KCNN2: variants seen among roughly 807,000 people sequenced by gnomAD.
KCNN2 encodes the protein small conductance calcium-activated potassium channel protein 2.
A neutral mutation model predicts 55.5 loss-of-function variants in KCNN2; 24 were observed. That is an observed-to-expected ratio of 0.43 (90% CI 0.31 to 0.61). The LOEUF is 0.61. Ranked by LOEUF, KCNN2 falls within the 20% of genes least tolerant of loss-of-function variation. The pLI is 0.08. For synonymous variants in KCNN2, 431 were observed against 336.1 expected (o/e 1.28, Z -3.09); for missense variants, 754 against 853.6 (o/e 0.88, Z 1.45).
chr5:114,345,724 G>C (rs1279891616), intron 2 of KCNN2, among the ~76,000 whole-genome samples: 1 of 152,164 alleles, frequency 6.6e-6, no homozygotes, highest in Non-Finnish European at 1.5e-5. Context: ...AGTTCTGCAG[G>C]CTATACAAGC....
Position 114,276,587 on chromosome 5 carries a change from C to A in KCNN2, c.-185+55022C>A, listed in dbSNP as rs552113232. ...TGATCCCTTTACCATTATGTAATGA[C>A]CCTCTTTGTCTCTTTCGATCTTTGT... On this transcript the variant is annotated intron_variant, in intron 2 of 10. Transcript: ENST00000512097. 6.3e-4 allele frequency among the ~76,000 whole-genome samples: 96 copies of A among 151,844 alleles called. 1 individual carries two copies. The highest frequency in any genetic ancestry group is 6.9e-3 in the Middle Eastern group (2 of 288).
chr5:114,167,200 G>T (rs1752931067), intron 1 of KCNN2, among the ~76,000 whole-genome samples: 1 of 152,072 alleles, frequency 6.6e-6, no homozygotes, highest in Non-Finnish European at 1.5e-5. Flanking sequence ...CATCTTCTCA[G>T]CTGAGGTCAT....
chr5:114,470,941 A>C (rs913776715), intron 4 of KCNN2, among the ~76,000 whole-genome samples: 3 of 152,204 alleles, frequency 2.0e-5, no homozygotes, highest in Non-Finnish European at 2.9e-5. Flanking sequence ...GGATTTTTAC[A>C]AACTCTCCAA....
At chr5:114,176,137 G>T (rs1753126736) in intron 1 of KCNN2, among the ~76,000 whole-genome samples, 1 of 152,040 alleles carries the variant, frequency 6.6e-6, no homozygotes, top group Non-Finnish European at 1.5e-5. Context: ...TTGTTGTTGG[G>T]CCTGTCATGT....
chr5:114,335,910 T>G (rs1756914772), intron 2 of KCNN2, among the ~76,000 whole-genome samples: 1 of 152,160 alleles, frequency 6.6e-6, no homozygotes, highest in African/African-American at 2.4e-5. Context: ...AGATTAAGAA[T>G]GAGAAAAAGT....
chr5:114,084,892 C>G (rs965632244), intron 1 of KCNN2, among the ~76,000 whole-genome samples: 1 of 151,860 alleles, frequency 6.6e-6, no homozygotes, highest in Non-Finnish European at 1.5e-5. Context: ...TCCATTTGTT[C>G]TAGCACCATT....
intron 1 of KCNN2, among the ~76,000 whole-genome samples, chr5:114,124,047 C>T (rs1396473167): frequency 6.6e-6 from 1 of 152,160 alleles, no homozygotes; most frequent in African/African-American, 2.4e-5. Flanking sequence ...GTCATAAATA[C>T]CTCATGCTTG....
At chr5:114,056,820 T>A (rs1447243314) in intron 1 of KCNN2, among the ~76,000 whole-genome samples, 3 of 152,148 alleles carry the variant, frequency 2.0e-5, no homozygotes, top group African/African-American at 7.2e-5. Context: ...CCTTATCCAA[T>A]CTTTTATTTA....
At chr5:114,489,412 G>A (rs1275440866) in intron 6 of KCNN2, among the ~76,000 whole-genome samples, 1 of 152,060 alleles carries the variant, frequency 6.6e-6, no homozygotes, top group African/African-American at 2.4e-5. Flanking sequence ...TCGCTTGCAC[G>A]GGGTCTCTTA....
At chr5:114,059,284 T>A (rs1353713052) in intron 1 of KCNN2, among the ~76,000 whole-genome samples, 3 of 152,176 alleles carry the variant, frequency 2.0e-5, no homozygotes, top group Admixed American at 2.0e-4. Context: ...AAGATTCACG[T>A]TCAAAGAAAT....
intron 2 of KCNN2, among the ~76,000 whole-genome samples, chr5:114,355,763 A>T (rs1757284123): frequency 6.6e-6 from 1 of 152,156 alleles, no homozygotes; most frequent in African/African-American, 2.4e-5. Flanking sequence ...TATTTGAAAA[A>T]ACTAAATAGC....
chr5:114,153,440 A>G (rs577726669), intron 1 of KCNN2, among the ~76,000 whole-genome samples: 10 of 152,266 alleles, frequency 6.6e-5, no homozygotes, highest in African/African-American at 2.4e-4. Flanking sequence ...CCTACTTATA[A>G]GCATATGAGT....
chr5:114,372,203 C>A lies in KCNN2; in HGVS notation c.1218+8202C>A, dbSNP rs148974727. Among the ~76,000 whole-genome samples, 541 of 152,256 alleles carry A rather than the reference C, an allele frequency of 3.6e-3. 5 individuals are homozygous for A. Among genetic ancestry groups the A allele is most frequent in the African/African-American group, 0.013 (520 of 41,542 alleles). On this transcript the variant is annotated intron_variant, in intron 2 of 7. Coordinates refer to ENST00000673685, the MANE Select transcript of KCNN2 (RefSeq NM_021614.4). ...ACGTGGTCGATATTGGTGGTTCTTA[C>A]TTGGTTTGGATACCTGTCGTTGACA...
rs762507616 is a variant in KCNN2, at chr5:114,404,391, G to A, written c.1219-47G>A. On this transcript the variant is annotated intron_variant, in intron 2 of 7. Coordinates refer to ENST00000673685, the MANE Select transcript of KCNN2 (RefSeq NM_021614.4). The stretch of plus-strand genomic sequence containing the variant: ...TTTAAAATCTGCACTAACACTTGTG[G>A]ACCATTCATGCCATACTGAAGCTGA... The A allele has an allele frequency of 1.3e-5, 20 of 1,490,308 alleles. No homozygotes were observed. The African/African-American group carries it at 2.5e-4, about 19-fold the overall frequency. 92.3% of individuals were successfully genotyped at this position (1,490,308 alleles called of 1,614,324 possible). A position where few individuals can be genotyped will look rare whatever the true frequency, so the allele number is the denominator to read the frequency against.
At chr5:114,320,773 A>G (rs1015832690) in intron 2 of KCNN2, among the ~76,000 whole-genome samples, 3 of 152,188 alleles carry the variant, frequency 2.0e-5, no homozygotes, top group East Asian at 1.9e-4. Flanking sequence ...CAGAGAAAGC[A>G]TAAGGATAGA....
chr5:114,181,012 A>T (rs1025391574), intron 1 of KCNN2, among the ~76,000 whole-genome samples: 2 of 152,070 alleles, frequency 1.3e-5, no homozygotes, highest in African/African-American at 4.8e-5. Flanking sequence ...ATGTATATTT[A>T]TGTTTATCTA....
At chr5:114,338,284 G>C (rs796516402) in intron 2 of KCNN2, among the ~76,000 whole-genome samples, 4 of 152,144 alleles carry the variant, frequency 2.6e-5, no homozygotes, top group African/African-American at 9.7e-5. Flanking sequence ...GCACAGGGAG[G>C]TGATGATAAA....
chr5:114,180,575 A>G (rs948055949), intron 1 of KCNN2, among the ~76,000 whole-genome samples: 6 of 152,122 alleles, frequency 3.9e-5, no homozygotes, highest in African/African-American at 1.4e-4. Context: ...TTTATTATCT[A>G]TTATTATATT....
chr5:114,396,687 T>C (rs2150066648), intron 2 of KCNN2, among the ~76,000 whole-genome samples: 1 of 152,154 alleles, frequency 6.6e-6, no homozygotes, highest in South Asian at 2.1e-4. Context: ...TAGCTGGGAC[T>C]ATAGGCACGC....
Sources: allele counts gnomAD v4.1 joint callset (sites outside exome capture counted in the v4.1 genomes callset), GRCh38; gene constraint gnomAD v4.1.1; transcripts MANE v1.5; gene names NCBI Gene and HGNC (gene_info 2026-07-23, HGNC 2026-07-21).